NAALADL2: variants seen among roughly 807,000 people sequenced by gnomAD.
NAALADL2 encodes the protein inactive N-acetylated-alpha-linked acidic dipeptidase-like protein 2.
Under a neutral mutation model 87.2 loss-of-function variants are expected in NAALADL2, and 76 were observed. That is an observed-to-expected ratio of 0.87 (90% CI 0.72 to 1.05). The LOEUF (loss-of-function observed/expected upper bound fraction) is 1.05, where lower values mean the gene tolerates loss of function less well. Ranked by LOEUF, NAALADL2 falls within the 50% of genes least tolerant of loss-of-function variation. The pLI, the probability that NAALADL2 is intolerant of heterozygous loss-of-function variation, is 0.00. For missense variants in NAALADL2, 1,089 were observed against 945.8 expected (o/e 1.15, Z -1.99); for synonymous variants, 354 against 331.0 (o/e 1.07, Z -0.75).
At chr3:174,854,016 A>G (rs1417090311) in intron 3 of NAALADL2, among the ~76,000 whole-genome samples, 2 of 152,186 alleles carry the variant, frequency 1.3e-5, no homozygotes, top group Non-Finnish European at 2.9e-5. Flanking sequence ...TGGTCCAGCT[A>G]TCTCACTGCT....
In NAALADL2 at chr3:175,382,793, A is replaced by T. The variant is rs539538735; in HGVS notation, c.1090+58468A>T. The stretch of plus-strand genomic sequence containing the variant: ...ATAATTTAAGAAGTTATGGTTAATT[A>T]TATACGTATTCTCCTTACCTGGGGG... On this transcript the variant is annotated intron_variant, in intron 5 of 13. Coordinates refer to ENST00000454872, the MANE Select transcript of NAALADL2 (RefSeq NM_207015.3). 2.0e-5 allele frequency among the ~76,000 whole-genome samples: 3 copies of T among 151,896 alleles called. No individual in the cohort carries two copies. In the South Asian group the frequency reaches 6.2e-4, roughly 32 times the overall value.
rs1216325444 is a variant in NAALADL2 at position 175,809,828 on chromosome 3, A to C, written c.*6625A>C. On this transcript the variant is annotated 3_prime_UTR_variant, in exon 14 of 14. Coordinates refer to ENST00000454872, the MANE Select transcript of NAALADL2 (RefSeq NM_207015.3). Reference sequence around the variant, plus strand: ...AGCATTTAGATATGTAAGATTTTAGAAGTAAAATCTCAGTGGTATAACATT... The same window carrying C: ...AGCATTTAGATATGTAAGATTTTAGCAGTAAAATCTCAGTGGTATAACATT... 1 of 152,100 alleles carries C rather than the reference A, an allele frequency of 6.6e-6. No individual in the cohort carries two copies. The highest frequency in any genetic ancestry group is 1.5e-5 in the Non-Finnish European group (1 of 67,994). The allele number at this position is 152,100 out of a possible 1,614,324, so 9.4% of individuals were successfully genotyped here. A position where few individuals can be genotyped will look rare whatever the true frequency, so the allele number is the denominator to read the frequency against.
chr3:174,689,553 A>G (rs1728369972), intron 2 of NAALADL2, among the ~76,000 whole-genome samples: 1 of 152,028 alleles, frequency 6.6e-6, no homozygotes, highest in Admixed American at 6.6e-5. Context: ...CTTGTTAGAA[A>G]TGTAGAATTC....
rs568651182 is a variant in NAALADL2 at position 175,620,702 on chromosome 3, T to A, written c.1801-6589T>A. On this transcript the variant is annotated intron_variant, in intron 10 of 13. Transcript: ENST00000454872. ...ACAGGGGCATGTCACAGCTCTCTTG[T>A]TCTTACCACCTGGAACGGGTACATG... Among the ~76,000 whole-genome samples the A allele has an allele frequency of 4.6e-5, 7 of 152,310 alleles. No individual in the cohort carries two copies. In the East Asian group the frequency reaches 1.4e-3, roughly 30 times the overall value.
At chr3:175,115,058 TAAAATGTC>T (rs1724869874) in intron 2 of NAALADL2, 1 of 151,692 alleles carries the variant, frequency 6.6e-6, no homozygotes, top group African/African-American at 2.4e-5. Flanking sequence ...ATAAAGATGT[TAAAATGTC>T]ACAGACTAAA....
intron 1 of NAALADL2, among the ~76,000 whole-genome samples, chr3:175,081,478 A>G (rs1717806832): frequency 6.6e-6 from 1 of 152,168 alleles, no homozygotes; most frequent in Non-Finnish European, 1.5e-5. Flanking sequence ...TGAAACTCAA[A>G]TGTCATGGTG....
intron 1 of NAALADL2, among the ~76,000 whole-genome samples, chr3:175,024,005 C>A (rs1751899303): frequency 6.6e-6 from 1 of 151,942 alleles, no homozygotes; most frequent in Non-Finnish European, 1.5e-5. Context: ...TCTTTAATAT[C>A]AAAAATCACT....
intron 1 of NAALADL2, among the ~76,000 whole-genome samples, chr3:174,864,728 A>T (rs1159476100): frequency 6.6e-6 from 1 of 152,080 alleles, no homozygotes; most frequent in Non-Finnish European, 1.5e-5. Context: ...ATTACTTTGT[A>T]TGCTATTCTC....
At chr3:175,034,663 G>C (rs1753199512) in intron 1 of NAALADL2, among the ~76,000 whole-genome samples, 1 of 152,108 alleles carries the variant, frequency 6.6e-6, no homozygotes, top group Non-Finnish European at 1.5e-5. Context: ...GAGGGTGAAT[G>C]CTAGATCCAA....
At chr3:175,695,486 T>C (rs1451338284) in intron 11 of NAALADL2, among the ~76,000 whole-genome samples, 1 of 152,140 alleles carries the variant, frequency 6.6e-6, no homozygotes, top group Non-Finnish European at 1.5e-5. Context: ...CATAGTGAGG[T>C]TTAAAAGAAC....
chr3:175,805,442 G>C lies in NAALADL2; in HGVS notation c.*2239G>C, dbSNP rs1754617848. The C allele has an allele frequency of 6.6e-6, 1 of 151,764 alleles. No individual in the cohort carries two copies. The highest frequency in any genetic ancestry group is 1.5e-5 in the Non-Finnish European group (1 of 67,868). 9.4% of individuals were successfully genotyped at this position (151,764 alleles called of 1,614,324 possible). On this transcript the variant is annotated 3_prime_UTR_variant, in exon 14 of 14. Coordinates refer to ENST00000454872, the MANE Select transcript of NAALADL2 (RefSeq NM_207015.3). ...TTATTAGTCTATTAAAAGATACGTG[G>C]AGATATTAAATTATACCTAAAGCAG... is the stretch of plus-strand genomic sequence containing the variant.
intron 10 of NAALADL2, among the ~76,000 whole-genome samples, chr3:175,621,155 G>A (rs904112382): frequency 1.3e-5 from 2 of 152,138 alleles, no homozygotes; most frequent in African/African-American, 2.4e-5. Context: ...GGCTTTAAAC[G>A]GTCTTTGGCT....
intron 2 of NAALADL2, among the ~76,000 whole-genome samples, chr3:174,692,370 A>T (rs1374832737): frequency 1.3e-5 from 2 of 152,226 alleles, no homozygotes; most frequent in African/African-American, 2.4e-5. Context: ...GAAGAGAAAG[A>T]ACAAGTTATG....
At chr3:174,815,627 A>G (rs1327314897) in intron 3 of NAALADL2, among the ~76,000 whole-genome samples, 2 of 152,118 alleles carry the variant, frequency 1.3e-5, no homozygotes, top group Admixed American at 6.6e-5. Flanking sequence ...TAAGGATAAC[A>G]GTTACATTGG....
At chr3:175,774,341 A>G (rs941323739) in intron 13 of NAALADL2, among the ~76,000 whole-genome samples, 19 of 152,066 alleles carry the variant, frequency 1.2e-4, no homozygotes, top group African/African-American at 4.3e-4. Context: ...AAAATGTTTG[A>G]CTTATATGAA....
intron 1 of NAALADL2, among the ~76,000 whole-genome samples, chr3:174,872,206 T>C (rs1426823655): frequency 1.3e-5 from 2 of 152,036 alleles, no homozygotes; most frequent in African/African-American, 4.8e-5. Flanking sequence ...ATGATAAGAG[T>C]AGCTACTAAC....
At chr3:174,514,957 A>C (rs887079027) in intron 1 of NAALADL2, among the ~76,000 whole-genome samples, 1 of 152,096 alleles carries the variant, frequency 6.6e-6, no homozygotes, top group Non-Finnish European at 1.5e-5. Flanking sequence ...TACCTAGTTG[A>C]GGTCATAGAA....
At chr3:174,474,419 G>T (rs1384903824) in intron 1 of NAALADL2, among the ~76,000 whole-genome samples, 1 of 152,066 alleles carries the variant, frequency 6.6e-6, no homozygotes, top group African/African-American at 2.4e-5. Flanking sequence ...GTTTTTCAAT[G>T]AAGAACTAAG....
intron 2 of NAALADL2, among the ~76,000 whole-genome samples, chr3:174,643,229 A>G (rs547594124): frequency 1.3e-5 from 2 of 152,310 alleles, no homozygotes; most frequent in South Asian, 2.1e-4. Context: ...TCTAGTGGCA[A>G]TGGGGTGGCT....
Sources: gnomAD v4.1 joint callset for allele counts (sites outside exome capture counted in the v4.1 genomes callset) on GRCh38, gnomAD v4.1.1 for gene constraint, MANE v1.5 for transcripts, NCBI Gene and HGNC (gene_info 2026-07-23, HGNC 2026-07-21) for gene names.